Variants in NHLRC2 observed in about 807,000 individuals in gnomAD.
The protein encoded by NHLRC2 is NHL repeat containing 2, also known as NHL repeat-containing protein 2.
A neutral mutation model predicts 68.1 loss-of-function variants in NHLRC2; 33 were observed. The observed-to-expected ratio is 0.48, with a 90% CI of 0.37 to 0.65. The LOEUF is 0.65. Ranked by LOEUF, NHLRC2 falls within the 30% of genes least tolerant of loss-of-function variation. NHLRC2 has a pLI of 0.00. For synonymous variants in NHLRC2, 311 were observed against 309.6 expected (o/e 1.00, Z -0.05); for missense variants, 761 against 853.8 (o/e 0.89, Z 1.35).
chr10:113,879,510 GTTTT>G (rs1846017628), intron 3 of NHLRC2, 60 bp from the exon 4 acceptor site: 2 of 1,339,036 alleles, frequency 1.5e-6, no homozygotes, highest in African/African-American at 3.0e-5. Flanking sequence ...ATACAAGTTT[GTTTT>G]GTTTTGTTTT....
At chr10:113,884,161 G>A in intron 4 of NHLRC2, 90 bp from the exon 5 acceptor site, 1 of 1,197,848 alleles carries the variant, frequency 8.3e-7, no homozygotes, top group Non-Finnish European at 1.2e-6. Flanking sequence ...CACTCTAAAT[G>A]TTCTATTGAC....
chr10:113,904,717 C>A, intron 9 of NHLRC2, 100 bp from the exon 10 acceptor site: 1 of 842,282 alleles, frequency 1.2e-6, no homozygotes, highest in Non-Finnish European at 1.9e-6. Flanking sequence ...GTTTCATTGA[C>A]ATAGAACTTC....
intron 5 of NHLRC2, among the ~76,000 whole-genome samples, chr10:113,889,118 C>T (rs1003433696): frequency 1.3e-5 from 2 of 152,024 alleles, no homozygotes; most frequent in Admixed American, 6.6e-5. Flanking sequence ...TGAGCCACTG[C>T]GCCCAGCCAA....
intron 6 of NHLRC2, among the ~76,000 whole-genome samples, chr10:113,899,973 A>G (rs1846213952): frequency 6.6e-6 from 1 of 152,108 alleles, no homozygotes; most frequent in Non-Finnish European, 1.5e-5. Context: ...ACGCAACATC[A>G]GTAAGATTTG....
chr10:113,899,779 G>A (rs1251485703), intron 6 of NHLRC2, among the ~76,000 whole-genome samples: 1 of 152,094 alleles, frequency 6.6e-6, no homozygotes, highest in Non-Finnish European at 1.5e-5. Context: ...TTAGCTGGGC[G>A]TGGTGGCGCT....
At chr10:113,875,372 A>T (rs1845969209) in intron 2 of NHLRC2, among the ~76,000 whole-genome samples, 1 of 152,058 alleles carries the variant, frequency 6.6e-6, no homozygotes, top group South Asian at 2.1e-4. Flanking sequence ...AAGACTTCTG[A>T]GTGTTCATAC....
At chr10:113,889,378 T>C (rs888966572) in intron 5 of NHLRC2, among the ~76,000 whole-genome samples, 2 of 152,270 alleles carry the variant, frequency 1.3e-5, no homozygotes, top group East Asian at 3.9e-4. Flanking sequence ...ATTATTAATA[T>C]GATATAAAAT....
Position 113,915,354 on chromosome 10 carries a change from G to A in NHLRC2, c.*6818G>A. ...CCAAAAAGCATTCTTGTAACTGTCA[G>A]GGCATGGTATGAATTCCTTCCTCTT... On this transcript the variant is annotated 3_prime_UTR_variant, in exon 11 of 11. Coordinates refer to ENST00000369301, the MANE Select transcript of NHLRC2 (RefSeq NM_198514.4). 2.5e-6 allele frequency: 1 copy of A among 401,422 alleles called. No individual in the cohort carries two copies. Among genetic ancestry groups the A allele is most frequent in the Non-Finnish European group, 5.0e-6 (1 of 200,740 alleles). The allele number at this position is 401,422 out of a possible 1,614,324, so 24.9% of individuals were successfully genotyped here. A position where few individuals can be genotyped will look rare whatever the true frequency, so the allele number is the denominator to read the frequency against.
chr10:113,882,735 T>C (rs1291147156), intron 4 of NHLRC2, among the ~76,000 whole-genome samples: 3 of 151,826 alleles, frequency 2.0e-5, no homozygotes, highest in Non-Finnish European at 3.0e-5. Context: ...TTGTTGCTTA[T>C]GTTTTTGTTG....
chr10:113,905,011 C>A lies in NHLRC2; in HGVS notation c.1899C>A (p.Ser633=). 2 of 1,529,256 alleles carry A rather than the reference C, an allele frequency of 1.3e-6. No individual in the cohort carries two copies. The highest frequency in any genetic ancestry group is 2.3e-5 in the East Asian group (1 of 43,606). The allele number at this position is 1,529,256 out of a possible 1,614,324, so 94.7% of individuals were successfully genotyped here. A position where few individuals can be genotyped will look rare whatever the true frequency, so the allele number is the denominator to read the frequency against. ...PSGSKLTEGV[S]SCWFLTAEGN... The stretch of plus-strand genomic sequence containing the variant: ...GATCAAAGCTAACTGAAGGAGTATC[C>A]AGTTGCTGGTTTCTAACAGCTGAAG... The change falls in exon 10 of 11, where the codon TCC becomes TCA. Residue 633 remains serine (S), a synonymous_variant. Coordinates refer to ENST00000369301, the MANE Select transcript of NHLRC2 (RefSeq NM_198514.4).
chr10:113,911,283 AAG>A lies in NHLRC2; in HGVS notation c.*2750_*2751del, dbSNP rs1214206002. ...AGAATTTCTTGATATGATTCTTGTAAAGAGTTTAGCTTATCTTGAACATTCTG... is the reference window on the plus strand; with the variant it reads ...AGAATTTCTTGATATGATTCTTGTAAAGTTTAGCTTATCTTGAACATTCTG... On this transcript the variant is annotated 3_prime_UTR_variant, in exon 11 of 11. Coordinates refer to ENST00000369301, the MANE Select transcript of NHLRC2 (RefSeq NM_198514.4). 2 of 152,082 alleles carry A rather than the reference AAG, an allele frequency of 1.3e-5. No homozygotes were observed. Among genetic ancestry groups the A allele is most frequent in the African/African-American group, 2.4e-5 (1 of 41,434 alleles). 9.4% of individuals were successfully genotyped at this position (152,082 alleles called of 1,614,324 possible).
At chr10:113,875,270 T>C (rs1228364295) in intron 2 of NHLRC2, among the ~76,000 whole-genome samples, 1 of 152,162 alleles carries the variant, frequency 6.6e-6, no homozygotes, top group Admixed American at 6.5e-5. Flanking sequence ...TCTCGCTCCT[T>C]CTGTAAACCC....
chr10:113,876,532 A>G lies in NHLRC2; in HGVS notation c.343A>G (p.Ile115Val), dbSNP rs748315838. Residue 115 changes from isoleucine to valine, a missense_variant, in exon 3 of 11, where the codon ATT becomes GTT. Coordinates refer to ENST00000369301, the MANE Select transcript of NHLRC2 (RefSeq NM_198514.4). ...HTYSDKDGLLIIGVHSAKFPN... is the reference protein window; with the variant it reads ...HTYSDKDGLLVIGVHSAKFPN... ...TTTTTTCCTTTCAGATGGTCTTCTT[A>G]TTATTGGTGTTCACTCGGCTAAGTT... 1.9e-6 allele frequency: 3 copies of G among 1,589,398 alleles called. No homozygotes were observed. Among genetic ancestry groups the G allele is most frequent in the Non-Finnish European group, 2.6e-6 (3 of 1,166,620 alleles).
chr10:113,857,416 T>G (rs922638541), intron 1 of NHLRC2, among the ~76,000 whole-genome samples: 3 of 152,184 alleles, frequency 2.0e-5, no homozygotes, highest in Admixed American at 1.3e-4. Flanking sequence ...CTCATTAGTT[T>G]GGACTAATTG....
At position 113,901,892 on chromosome 10, in the gene NHLRC2, C is replaced by A; in HGVS notation, c.1366C>A (p.Pro456Thr). The A allele has an allele frequency of 6.2e-7, 1 of 1,606,278 alleles. No homozygotes were observed. ...GCACCTCGTAGGAGGAGAAAGAGAC[C>A]CCATGGTAATGACAGTCACTCTTGC... ...VKHLVGGERD[P>T]MNLFAFGDVD... is the part of the protein sequence containing the mutation. Residue 456 changes from proline to threonine, a missense_variant, in exon 7 of 11, where the codon CCC (proline) becomes ACC (threonine). Transcript: ENST00000369301.
intron 2 of NHLRC2, among the ~76,000 whole-genome samples, chr10:113,869,471 C>T (rs1310436933): frequency 2.6e-5 from 4 of 152,196 alleles, no homozygotes; most frequent in Non-Finnish European, 5.9e-5. Flanking sequence ...CTGATCCCAT[C>T]TGTATGTTTG....
Position 113,915,264 on chromosome 10 carries a change from C to T in NHLRC2, c.*6728C>T, listed in dbSNP as rs1194953553. ...ACTATTTGCAAACATACTTCCCTAC[C>T]TGTACAAGCAGCCATATACTAAAAA... is the stretch of plus-strand genomic sequence containing the variant. On this transcript the variant is annotated 3_prime_UTR_variant, in exon 11 of 11. Transcript: ENST00000369301. The T allele has an allele frequency of 4.4e-6, 2 of 456,066 alleles. No individual in the cohort carries two copies. Among genetic ancestry groups the T allele is most frequent in the African/African-American group, 4.0e-5 (2 of 50,074 alleles). 28.3% of individuals were successfully genotyped at this position (456,066 alleles called of 1,614,324 possible).
At chr10:113,866,708 T>A (rs1263166561) in intron 2 of NHLRC2, among the ~76,000 whole-genome samples, 1 of 152,014 alleles carries the variant, frequency 6.6e-6, no homozygotes, top group Non-Finnish European at 1.5e-5. Context: ...TTTCACTTTG[T>A]GTCATTGTTC....
At chr10:113,868,381 C>G (rs542373207) in intron 2 of NHLRC2, among the ~76,000 whole-genome samples, 1 of 152,278 alleles carries the variant, frequency 6.6e-6, no homozygotes, top group Non-Finnish European at 1.5e-5. Flanking sequence ...TCTTTTACAT[C>G]CGCTTTTCAG....
Sources: gnomAD v4.1 joint callset for allele counts (sites outside exome capture counted in the v4.1 genomes callset) on GRCh38, gnomAD v4.1.1 for gene constraint, MANE v1.5 for transcripts, NCBI Gene and HGNC (gene_info 2026-07-23, HGNC 2026-07-21) for gene names.